TMEM163: variants seen among roughly 807,000 people sequenced by gnomAD.
TMEM163 encodes transmembrane protein 163.
A neutral mutation model predicts 29.3 loss-of-function variants in TMEM163; 17 were observed. The observed-to-expected ratio is 0.58, with a 90% CI of 0.40 to 0.87. TMEM163 has a LOEUF of 0.87. TMEM163 is among the 40% of genes least tolerant of loss of function. The pLI, the probability that TMEM163 is intolerant of heterozygous loss-of-function variation, is 0.00. For missense variants in TMEM163, 303 were observed against 381.5 expected, an observed-to-expected ratio of 0.79 and a Z score of 1.71; for synonymous variants, 157 against 160.6, an observed-to-expected ratio of 0.98 and a Z score of 0.17.
intron 2 of TMEM163, among the ~76,000 whole-genome samples, chr2:134,637,202 A>C (rs940548304): frequency 6.6e-6 from 1 of 151,770 alleles, no homozygotes; most frequent in African/African-American, 2.4e-5. Flanking sequence ...CACCAGGGCC[A>C]CTGTCTGTGT....
chr2:134,557,018 G>A (rs974032975), intron 2 of TMEM163, among the ~76,000 whole-genome samples: 4 of 152,172 alleles, frequency 2.6e-5, no homozygotes, highest in Non-Finnish European at 5.9e-5. Flanking sequence ...AGGCTTCATT[G>A]AGAAGGGGAC....
intron 2 of TMEM163, among the ~76,000 whole-genome samples, chr2:134,644,543 A>G (rs1225635708): frequency 6.6e-6 from 1 of 152,228 alleles, no homozygotes; most frequent in Non-Finnish European, 1.5e-5. Context: ...CCAAACATTC[A>G]TATGCAAAAA....
chr2:134,562,066 T>C (rs1020947066), intron 2 of TMEM163, among the ~76,000 whole-genome samples: 2 of 152,242 alleles, frequency 1.3e-5, no homozygotes, highest in African/African-American at 4.8e-5. Context: ...TCTCTTGTCT[T>C]CTATGTTAAA....
intron 2 of TMEM163, among the ~76,000 whole-genome samples, chr2:134,657,359 T>C (rs1454413340): frequency 2.0e-5 from 3 of 152,164 alleles, no homozygotes; most frequent in Admixed American, 6.5e-5. Flanking sequence ...CACACAGCCA[T>C]AGAAAAGAAG....
At chr2:134,684,193 T>C (rs1356241288) in intron 2 of TMEM163, among the ~76,000 whole-genome samples, 1 of 152,170 alleles carries the variant, frequency 6.6e-6, no homozygotes, top group Non-Finnish European at 1.5e-5. Context: ...CTTTGCCTGA[T>C]GATATATACC....
At chr2:134,510,059 CTGTG>C (rs1679913940) in intron 4 of TMEM163, among the ~76,000 whole-genome samples, 1 of 152,122 alleles carries the variant, frequency 6.6e-6, no homozygotes, top group African/African-American at 2.4e-5. Context: ...AAGAAAGGCC[CTGTG>C]TGTCCTGGAA....
intron 5 of TMEM163, among the ~76,000 whole-genome samples, chr2:134,478,853 C>A (rs1338000629): frequency 6.6e-6 from 1 of 152,184 alleles, no homozygotes; most frequent in Non-Finnish European, 1.5e-5. Flanking sequence ...CCCCTCTCAT[C>A]GCAGCCCCAG....
chr2:134,459,560 C>T (rs1475678078), intron 6 of TMEM163, among the ~76,000 whole-genome samples: 1 of 144,202 alleles, frequency 6.9e-6, no homozygotes, highest in African/African-American at 2.5e-5. Flanking sequence ...CCACGCCTCC[C>T]CCATCTGCTA....
chr2:134,600,243 A>C (rs2104809385), intron 2 of TMEM163, among the ~76,000 whole-genome samples: 1 of 152,234 alleles, frequency 6.6e-6, no homozygotes, highest in East Asian at 1.9e-4. Context: ...TAATCCTCAC[A>C]GGTAATGAAG....
intron 2 of TMEM163, among the ~76,000 whole-genome samples, chr2:134,625,995 A>G (rs926112866): frequency 1.7e-4 from 26 of 151,880 alleles, no homozygotes; most frequent in East Asian, 1.9e-4. Context: ...TTAGTTTACA[A>G]TTGGACATCA....
At chr2:134,522,683 G>A (rs1274203237) in intron 4 of TMEM163, among the ~76,000 whole-genome samples, 5 of 152,210 alleles carry the variant, frequency 3.3e-5, no homozygotes, top group Admixed American at 6.5e-5. Flanking sequence ...CACACAGGGC[G>A]AATGACTGTG....
At chr2:134,500,173 A>G (rs72853953) in intron 5 of TMEM163, among the ~76,000 whole-genome samples, 20,203 of 152,162 alleles carry the variant, frequency 0.13, 1,682 homozygotes, top group Middle Eastern at 0.3. Context: ...AGTTTCTCCT[A>G]TTTTTGCTTC....
chr2:134,460,516 A>T lies in TMEM163; in HGVS notation c.668-2343T>A, dbSNP rs1439263232. On this transcript the variant is annotated intron_variant, in intron 6 of 7. Transcript: ENST00000281924. The surrounding 1 kb of genome is among the most constrained non-coding windows in gnomAD (Gnocchi z 4.3). ...TCGAAGTCCCAGGACAGGGCCTGGC[A>T]TTCATCAGGGGTGCAAATGACCGCT... 6.6e-6 allele frequency among the ~76,000 whole-genome samples: 1 copy of T among 152,122 alleles called. No homozygotes were observed. The highest frequency in any genetic ancestry group is 6.5e-5 in the Admixed American group (1 of 15,282).
At chr2:134,485,119 C>A (rs1221651328) in intron 5 of TMEM163, among the ~76,000 whole-genome samples, 1 of 152,086 alleles carries the variant, frequency 6.6e-6, no homozygotes, top group Admixed American at 6.5e-5. Context: ...CCGGATAAAC[C>A]CATTGTAATT....
intron 2 of TMEM163, among the ~76,000 whole-genome samples, chr2:134,553,678 T>C (rs1680981719): frequency 6.6e-6 from 1 of 152,196 alleles, no homozygotes; most frequent in African/African-American, 2.4e-5. Context: ...CCGTTGTTTT[T>C]GACATGAGCT....
chr2:134,477,690 T>C (rs1022021485), intron 5 of TMEM163, among the ~76,000 whole-genome samples: 1 of 152,306 alleles, frequency 6.6e-6, no homozygotes, highest in African/African-American at 2.4e-5. Context: ...TAAGATTTTT[T>C]TCAAAGAGAG....
At chr2:134,688,322 C>T (rs922041060) in intron 2 of TMEM163, among the ~76,000 whole-genome samples, 1 of 151,536 alleles carries the variant, frequency 6.6e-6, no homozygotes. Context: ...TGTCTCCAAA[C>T]TCATGAAGAG....
intron 7 of TMEM163, among the ~76,000 whole-genome samples, chr2:134,457,064 C>G (rs919948532): frequency 6.6e-6 from 1 of 152,042 alleles, no homozygotes; most frequent in East Asian, 1.9e-4. Flanking sequence ...ATAACGTGGC[C>G]TTTTGTGACT....
At chr2:134,690,270 A>G (rs951917754) in intron 2 of TMEM163, among the ~76,000 whole-genome samples, 2 of 150,610 alleles carry the variant, frequency 1.3e-5, no homozygotes, top group African/African-American at 4.9e-5. Flanking sequence ...TCAAGTTATC[A>G]AACTTTACCT....
Sources: gnomAD v4.1 joint callset for allele counts (sites outside exome capture counted in the v4.1 genomes callset) on GRCh38, gnomAD v4.1.1 for gene constraint, Gnocchi (gnomAD v3.1) non-coding constraint, MANE v1.5 for transcripts, NCBI Gene and HGNC (gene_info 2026-07-23, HGNC 2026-07-21) for gene names.